DISC1: variants seen among roughly 807,000 people sequenced by gnomAD.
DISC1 encodes disrupted in schizophrenia 1 protein.
A neutral mutation model predicts 84.5 loss-of-function variants in DISC1; 57 were observed. That is an observed-to-expected ratio of 0.67 (90% CI 0.55 to 0.84). The LOEUF (loss-of-function observed/expected upper bound fraction) is 0.84, where lower values mean the gene tolerates loss of function less well. Among genes scored for constraint, DISC1 ranks in the 40% least tolerant of loss-of-function variants. The probability of loss-of-function intolerance (pLI) is 0.00; values close to 1 mark genes in which losing one functional copy is unlikely to be tolerated. For missense variants in DISC1, 1,000 were observed against 1,057.8 expected (o/e 0.95, Z 0.76); for synonymous variants, 411 against 415.2 (o/e 0.99, Z 0.12).
chr1:231,756,568 A>G (rs1285213519), intron 4 of DISC1, among the ~76,000 whole-genome samples: 1 of 146,724 alleles, frequency 6.8e-6, no homozygotes, highest in Non-Finnish European at 1.5e-5. Flanking sequence ...AGAGAGACTG[A>G]CTTCACTTTA....
chr1:231,662,637 A>T (rs1040185284), intron 1 of DISC1, among the ~76,000 whole-genome samples: 20 of 152,242 alleles, frequency 1.3e-4, no homozygotes, highest in African/African-American at 4.6e-4. Flanking sequence ...GACCAAAGAG[A>T]TGGTGGCTGC....
At chr1:232,011,116 C>T (rs1667983749) in intron 11 of DISC1, among the ~76,000 whole-genome samples, 1 of 152,182 alleles carries the variant, frequency 6.6e-6, no homozygotes, top group African/African-American at 2.4e-5. Flanking sequence ...CCTCCAGGTT[C>T]TCTGGGGACA....
intron 9 of DISC1, among the ~76,000 whole-genome samples, chr1:231,910,493 G>A (rs1441850266): frequency 6.6e-6 from 1 of 152,200 alleles, no homozygotes; most frequent in Non-Finnish European, 1.5e-5. Flanking sequence ...TTTTGAGTGA[G>A]TTTCTTAATC....
At chr1:231,928,541 G>T (rs1002843641) in intron 9 of DISC1, among the ~76,000 whole-genome samples, 1 of 152,010 alleles carries the variant, frequency 6.6e-6, no homozygotes, top group Non-Finnish European at 1.5e-5. Flanking sequence ...AGGGTTTTTC[G>T]TGTCTCTTAT....
intron 9 of DISC1, among the ~76,000 whole-genome samples, chr1:231,888,054 T>C (rs1301560400): frequency 1.3e-5 from 2 of 152,208 alleles, no homozygotes; most frequent in African/African-American, 2.4e-5. Context: ...TTTGAAAATA[T>C]GCAAAGCAGC....
chr1:231,708,311 T>C (rs2067345573), intron 3 of DISC1, among the ~76,000 whole-genome samples: 1 of 152,188 alleles, frequency 6.6e-6, no homozygotes, highest in African/African-American at 2.4e-5. Flanking sequence ...CTGGTCTCTC[T>C]CTGAGAAATG....
chr1:231,923,195 G>T (rs1452220292), intron 9 of DISC1, among the ~76,000 whole-genome samples: 1 of 151,476 alleles, frequency 6.6e-6, no homozygotes, highest in Non-Finnish European at 1.5e-5. Context: ...GCTGAGGCAG[G>T]AGAATCGTTT....
At chr1:232,004,719 G>A (rs1471242152) in intron 10 of DISC1, among the ~76,000 whole-genome samples, 1 of 152,084 alleles carries the variant, frequency 6.6e-6, no homozygotes, top group Non-Finnish European at 1.5e-5. Flanking sequence ...GCTAAAATTA[G>A]GAAAATGAAA....
At chr1:231,731,205 G>T (rs1169720446) in intron 3 of DISC1, among the ~76,000 whole-genome samples, 1 of 152,238 alleles carries the variant, frequency 6.6e-6, no homozygotes, top group Non-Finnish European at 1.5e-5. Flanking sequence ...CTGGGGCTTA[G>T]CCCAGGAGGG....
chr1:231,671,290 T>G, intron 1 of DISC1, among the ~76,000 whole-genome samples: 2 of 151,984 alleles, frequency 1.3e-5, no homozygotes, highest in East Asian at 3.8e-4. Context: ...CATCTTCCTT[T>G]TCATTATTTT....
intron 10 of DISC1, among the ~76,000 whole-genome samples, chr1:231,968,361 G>A (rs906786366): frequency 6.6e-6 from 1 of 151,734 alleles, no homozygotes; most frequent in Non-Finnish European, 1.5e-5. Context: ...TTCACATCTG[G>A]ACCACAACAT....
intron 4 of DISC1, among the ~76,000 whole-genome samples, chr1:231,759,540 A>AAAC (rs2075444757): frequency 1.3e-5 from 2 of 149,618 alleles, no homozygotes; most frequent in Non-Finnish European, 3.0e-5. Context: ...AAAAAAAAAA[A>AAAC]AAAAAAAAAA....
chr1:231,644,404 C>T (rs747518265), intron 1 of DISC1, among the ~76,000 whole-genome samples: 2 of 152,170 alleles, frequency 1.3e-5, no homozygotes, highest in East Asian at 1.9e-4. Flanking sequence ...CAGGCTTTCT[C>T]GCCAGCTCAT....
At chr1:232,022,310 T>C (rs1158232490) in intron 11 of DISC1, among the ~76,000 whole-genome samples, 2 of 148,700 alleles carry the variant, frequency 1.3e-5, no homozygotes, top group Non-Finnish European at 3.0e-5. Context: ...TACCCATGGT[T>C]CTTTTTTTTT....
chr1:231,844,800 G>A (rs76799604), intron 9 of DISC1, among the ~76,000 whole-genome samples: 3 of 151,776 alleles, frequency 2.0e-5, no homozygotes, highest in East Asian at 2.0e-4. Context: ...TGTGGTGGGC[G>A]CCTGTAGTCC....
rs534897614 is a variant in DISC1, at chr1:231,791,060, C to T, written c.1635-4182C>T. On this transcript the variant is annotated intron_variant, in intron 6 of 12. Transcript: ENST00000439617. ...CCCAGGCTCATCTGCTGCTGATGTGCGTTCTGTGCAGCACATTCATGTCAG... is the reference window on the plus strand; with the variant it reads ...CCCAGGCTCATCTGCTGCTGATGTGTGTTCTGTGCAGCACATTCATGTCAG... Among the ~76,000 whole-genome samples the T allele has an allele frequency of 7.9e-5, 12 of 152,252 alleles. No homozygotes were observed. In the South Asian group the frequency reaches 2.1e-3, roughly 26 times the overall value.
At chr1:231,824,634 G>A (rs2081727300) in intron 9 of DISC1, among the ~76,000 whole-genome samples, 2 of 152,028 alleles carry the variant, frequency 1.3e-5, no homozygotes, top group South Asian at 4.1e-4. Context: ...TTATTAAGTC[G>A]CTGTGATAAT....
chr1:231,816,075 C>T (rs2080944232), intron 8 of DISC1, among the ~76,000 whole-genome samples: 1 of 152,140 alleles, frequency 6.6e-6, no homozygotes, highest in South Asian at 2.1e-4. Flanking sequence ...ATTTTACATG[C>T]GTGAGAGTTC....
intron 12 of DISC1, among the ~76,000 whole-genome samples, chr1:232,028,460 A>G (rs548773311): frequency 6.6e-6 from 1 of 152,166 alleles, no homozygotes; most frequent in Non-Finnish European, 1.5e-5. Flanking sequence ...AAGACCCCTG[A>G]AAAACAAGGG....
Sources: gnomAD v4.1 joint callset for allele counts (sites outside exome capture counted in the v4.1 genomes callset) on GRCh38, gnomAD v4.1.1 for gene constraint, MANE v1.5 for transcripts, NCBI Gene and HGNC (gene_info 2026-07-23, HGNC 2026-07-21) for gene names.